The following LMX1A variants were observed in gnomAD, a reference collection of about 807,000 sequenced individuals.
LMX1A encodes the protein LIM homeobox transcription factor 1-alpha.
In LMX1A, 15 loss-of-function variants were observed where a neutral mutation model predicts 49.1. The observed-to-expected ratio is 0.31, with a 90% CI of 0.20 to 0.47. The LOEUF (loss-of-function observed/expected upper bound fraction) is 0.47, where lower values mean the gene tolerates loss of function less well. LMX1A is among the 20% of genes least tolerant of loss of function. The pLI is 1.00. For missense variants in LMX1A, 372 were observed against 475.8 expected, an observed-to-expected ratio of 0.78 and a Z score of 2.03; for synonymous variants, 167 against 185.7, an observed-to-expected ratio of 0.90 and a Z score of 0.82.
chr1:165,226,175 C>T (rs1038282001), intron 4 of LMX1A, among the ~76,000 whole-genome samples: 3 of 152,224 alleles, frequency 2.0e-5, no homozygotes, highest in Admixed American at 6.5e-5. Context: ...CAAGGCCAAG[C>T]CTCTCTCCTC....
At chr1:165,247,054 C>CTTTTTTTTTTCTTTTTTTTTTTT (rs1652877682) in intron 4 of LMX1A, among the ~76,000 whole-genome samples, 2 of 53,228 alleles carry the variant, frequency 3.8e-5, no homozygotes, top group Non-Finnish European at 6.6e-5. Context: ...TCAGCTTTTT[C>CTTTTTTTTTTCTTTTTTTTTTTT]TTTTTTTTTT....
chr1:165,345,010 T>G (rs770497807), intron 3 of LMX1A, among the ~76,000 whole-genome samples: 20 of 152,114 alleles, frequency 1.3e-4, no homozygotes, highest in Non-Finnish European at 2.4e-4. Flanking sequence ...GGGGGCCTAT[T>G]TCTGGGCCCA....
At chr1:165,233,581 A>G (rs1652313434) in intron 4 of LMX1A, among the ~76,000 whole-genome samples, 2 of 152,250 alleles carry the variant, frequency 1.3e-5, no homozygotes, top group African/African-American at 4.8e-5. Context: ...ATCTACAGTC[A>G]CATGGTCCAA....
At chr1:165,213,519 G>T in intron 5 of LMX1A, 122 bp downstream of exon 5, 1 of 893,752 alleles carries the variant, frequency 1.1e-6, no homozygotes, top group Non-Finnish European at 1.7e-6. Context: ...GCCTGTGCAG[G>T]CTCTGTCTGA....
At chr1:165,300,077 T>C (rs1050077971) in intron 3 of LMX1A, among the ~76,000 whole-genome samples, 2 of 150,466 alleles carry the variant, frequency 1.3e-5, no homozygotes, top group African/African-American at 4.9e-5. Flanking sequence ...GTCAGTCTCA[T>C]GGTGCTTCTG....
chr1:165,242,029 C>T (rs1165493418), intron 4 of LMX1A, among the ~76,000 whole-genome samples: 3 of 152,268 alleles, frequency 2.0e-5, no homozygotes, highest in Admixed American at 1.3e-4. Flanking sequence ...TTTCTGGCTT[C>T]GGTGAGAAGA....
At chr1:165,245,547 A>G (rs1308636703) in intron 4 of LMX1A, among the ~76,000 whole-genome samples, 1 of 151,756 alleles carries the variant, frequency 6.6e-6, no homozygotes, top group Admixed American at 6.6e-5. Flanking sequence ...TACTCTCCTC[A>G]AGATTCTCTC....
At chr1:165,287,314 A>T (rs559051367) in intron 3 of LMX1A, among the ~76,000 whole-genome samples, 2 of 152,158 alleles carry the variant, frequency 1.3e-5, no homozygotes, top group African/African-American at 2.4e-5. Context: ...CTAAAGGACT[A>T]AAAAAACTGA....
chr1:165,341,227 T>G (rs544031994), intron 3 of LMX1A, among the ~76,000 whole-genome samples: 1 of 152,316 alleles, frequency 6.6e-6, no homozygotes, highest in African/African-American at 2.4e-5. Context: ...ATACCCTAAA[T>G]GCTCTTGATG....
At chr1:165,313,490 TTTG>T (rs1173726233) in intron 3 of LMX1A, among the ~76,000 whole-genome samples, 6 of 149,872 alleles carry the variant, frequency 4.0e-5, no homozygotes, top group African/African-American at 1.2e-4. Context: ...TTTTTTTTTT[TTTG>T]TTGTTGTTGT....
intron 4 of LMX1A, among the ~76,000 whole-genome samples, chr1:165,241,431 C>A (rs370009741): frequency 1.3e-5 from 2 of 152,180 alleles, no homozygotes; most frequent in African/African-American, 4.8e-5. Flanking sequence ...ATTTTCATTA[C>A]CTCTTTTAGT....
At chr1:165,315,952 G>C (rs962998238) in intron 3 of LMX1A, among the ~76,000 whole-genome samples, 4 of 152,180 alleles carry the variant, frequency 2.6e-5, no homozygotes, top group Non-Finnish European at 5.9e-5. Context: ...TCTTCTTTCT[G>C]GTAGGATTTC....
Position 165,309,066 on chromosome 1 carries a change from G to A in LMX1A, c.263+44010C>T, listed in dbSNP as rs143179785. Among the ~76,000 whole-genome samples the A allele has an allele frequency of 6.8e-3, 1,034 of 152,182 alleles. 8 individuals carry two copies. Among genetic ancestry groups the A allele is most frequent in the Middle Eastern group, 0.024 (7 of 294 alleles). ...TATGGAAAACCTCCCTTTCTGTCCT[G>A]AGTCAAGACATTCCTTGGGTGATTG... is the stretch of plus-strand genomic sequence containing the variant. On this transcript the variant is annotated intron_variant, in intron 3 of 8. Coordinates refer to ENST00000342310, the MANE Select transcript of LMX1A (RefSeq NM_177398.4).
At chr1:165,213,888 G>A (rs1651533972) in intron 4 of LMX1A, 75 bp from the exon 5 acceptor site, 2 of 1,331,424 alleles carry the variant, frequency 1.5e-6, no homozygotes, top group African/African-American at 1.5e-5. Context: ...CCATAGCAAG[G>A]CCTCCAGGTC....
intron 2 of LMX1A, 37 bp from the exon 3 acceptor site, chr1:165,353,299 G>T (rs562378026): frequency 1.3e-6 from 2 of 1,581,218 alleles, no homozygotes; most frequent in Non-Finnish European, 1.7e-6. Flanking sequence ...TGAGCAGCCC[G>T]GGCAGGTAGA....
intron 3 of LMX1A, among the ~76,000 whole-genome samples, chr1:165,318,857 A>G (rs1430016920): frequency 8.5e-5 from 13 of 152,176 alleles, no homozygotes. Context: ...ATGAGCCACC[A>G]TACCATCTCT....
chr1:165,266,479 A>G (rs917840091), intron 3 of LMX1A, among the ~76,000 whole-genome samples: 2 of 152,138 alleles, frequency 1.3e-5, no homozygotes, highest in Admixed American at 6.5e-5. Flanking sequence ...TAGATAGGTC[A>G]GAGAGGCCTT....
At chr1:165,340,803 T>G (rs1291558918) in intron 3 of LMX1A, among the ~76,000 whole-genome samples, 1 of 152,234 alleles carries the variant, frequency 6.6e-6, no homozygotes, top group Admixed American at 6.5e-5. Flanking sequence ...TATCAGGTAC[T>G]GATGTAACAG....
At chr1:165,254,555 G>A (rs1228684328) in intron 3 of LMX1A, among the ~76,000 whole-genome samples, 1 of 152,186 alleles carries the variant, frequency 6.6e-6, no homozygotes, top group Non-Finnish European at 1.5e-5. Context: ...CACCACCTGT[G>A]TGCCAGATGT....
Sources: allele counts gnomAD v4.1 joint callset (sites outside exome capture counted in the v4.1 genomes callset), GRCh38; gene constraint gnomAD v4.1.1; transcripts MANE v1.5; gene names NCBI Gene and HGNC (gene_info 2026-07-23, HGNC 2026-07-21).